The following PPP1R9A variants were observed in gnomAD, a reference collection of about 807,000 sequenced individuals.
PPP1R9A encodes the protein protein phosphatase 1 regulatory subunit 9A.
A neutral mutation model predicts 141.9 loss-of-function variants in PPP1R9A; 59 were observed. The observed-to-expected ratio is 0.42, with a 90% CI of 0.34 to 0.52. PPP1R9A has a LOEUF of 0.52. Among genes scored for constraint, PPP1R9A ranks in the 20% least tolerant of loss-of-function variants. The pLI, the probability that PPP1R9A is intolerant of heterozygous loss-of-function variation, is 0.10. For missense variants in PPP1R9A, 1,444 were observed against 1,611.9 expected (o/e 0.90, Z 1.78); for synonymous variants, 500 against 569.7 (o/e 0.88, Z 1.74).
chr7:94,985,990 A>T (rs1163769254), intron 2 of PPP1R9A, among the ~76,000 whole-genome samples: 1 of 152,214 alleles, frequency 6.6e-6, no homozygotes, highest in African/African-American at 2.4e-5. Flanking sequence ...TATTCAGTGT[A>T]AGTGAGTTTG....
At position 95,269,523 on chromosome 7, in the gene PPP1R9A, T is replaced by C. The variant is rs748810175; in HGVS notation, c.3124+16T>C. 8.5e-6 allele frequency: 13 copies of C among 1,534,480 alleles called. No homozygotes were observed. Among genetic ancestry groups the C allele is most frequent in the Non-Finnish European group, 1.2e-5 (13 of 1,125,604 alleles). Reference sequence around the variant, plus strand: ...CGAGAAAAAGGTATTGTTAATTTCTTTTTCTGACTTCATAACACCTCAGCT... The same window carrying C: ...CGAGAAAAAGGTATTGTTAATTTCTCTTTCTGACTTCATAACACCTCAGCT... On this transcript the variant is annotated intron_variant, in intron 14 of 19. Transcript: ENST00000433360.
intron 7 of PPP1R9A, among the ~76,000 whole-genome samples, chr7:95,210,315 A>G (rs542178360): frequency 4.7e-4 from 72 of 152,260 alleles, no homozygotes; most frequent in Non-Finnish European, 8.8e-4. Context: ...TCCAATAACG[A>G]TAGTGTAAAA....
chr7:95,212,078 C>T lies in PPP1R9A; in HGVS notation c.1956+8348C>T, dbSNP rs139236784. Among the ~76,000 whole-genome samples, 229 of 152,240 alleles carry T rather than the reference C, an allele frequency of 1.5e-3. 1 individual carries two copies. The highest frequency in any genetic ancestry group is 5.4e-3 in the African/African-American group (225 of 41,542). On this transcript the variant is annotated intron_variant, in intron 7 of 19. Transcript: ENST00000433360. Reference sequence around the variant, plus strand: ...CACATTCTTTGAACTGCTTATGTAGCTGCACCTTAGAGGAATTTTTATATA... The same window carrying T: ...CACATTCTTTGAACTGCTTATGTAGTTGCACCTTAGAGGAATTTTTATATA...
Position 94,908,018 on chromosome 7 carries a change from T to C in PPP1R9A, c.-217+316T>C, listed in dbSNP as rs1227699415. The stretch of plus-strand genomic sequence containing the variant: ...CTGCGCCGTGAGGAGCGGGTTGCGG[T>C]GTACCCAGCGGGCCGGCGCCGAGCC... On this transcript the variant is annotated intron_variant, in intron 1 of 19. Coordinates refer to ENST00000433360, the MANE Select transcript of PPP1R9A (RefSeq NM_001166160.2). The C allele has an allele frequency of 4.7e-5, 7 of 148,910 alleles. No homozygotes were observed. In the East Asian group the frequency reaches 1.4e-3, roughly 30 times the overall value. The allele number at this position is 148,910 out of a possible 1,614,324, so 9.2% of individuals were successfully genotyped here. A position where few individuals can be genotyped will look rare whatever the true frequency, so the allele number is the denominator to read the frequency against.
At chr7:95,149,795 A>G (rs1185293179) in intron 4 of PPP1R9A, among the ~76,000 whole-genome samples, 7 of 121,118 alleles carry the variant, frequency 5.8e-5, no homozygotes, top group Non-Finnish European at 1.2e-4. Flanking sequence ...TAATCTAAAG[A>G]TTCAATGAAA....
chr7:95,155,271 T>G (rs536593887), intron 4 of PPP1R9A: 1 of 150,866 alleles, frequency 6.6e-6, no homozygotes, highest in South Asian at 2.1e-4. Context: ...ACTTCAGTCT[T>G]GACCTCCCAG....
chr7:94,995,044 C>T (rs999210654), intron 2 of PPP1R9A, among the ~76,000 whole-genome samples: 5 of 152,162 alleles, frequency 3.3e-5, no homozygotes, highest in East Asian at 1.9e-4. Context: ...TGAATTCTTC[C>T]AGCTTTTATG....
chr7:94,979,617 C>A (rs537761745), intron 2 of PPP1R9A, among the ~76,000 whole-genome samples: 2 of 152,300 alleles, frequency 1.3e-5, no homozygotes, highest in African/African-American at 4.8e-5. Context: ...ATCAAGGTCA[C>A]CCCATGGAAG....
intron 4 of PPP1R9A, among the ~76,000 whole-genome samples, chr7:95,128,519 T>A (rs1046447476): frequency 1.3e-5 from 2 of 152,132 alleles, no homozygotes; most frequent in Non-Finnish European, 2.9e-5. Flanking sequence ...TTAGTTTAAT[T>A]AGGTCCCACT....
intron 10 of PPP1R9A, 47 bp downstream of exon 10, chr7:95,250,302 A>G: frequency 6.7e-7 from 1 of 1,489,782 alleles, no homozygotes; most frequent in Non-Finnish European, 9.1e-7. Flanking sequence ...TGTCTAAAGA[A>G]GGTTTATGTC....
At chr7:95,224,699 C>G (rs930708356) in intron 7 of PPP1R9A, among the ~76,000 whole-genome samples, 1 of 151,570 alleles carries the variant, frequency 6.6e-6, no homozygotes, top group African/African-American at 2.4e-5. Context: ...CCTTCACGTG[C>G]AAACATAGGT....
At chr7:95,127,519 T>A (rs1482435396) in intron 4 of PPP1R9A, among the ~76,000 whole-genome samples, 6 of 151,516 alleles carry the variant, frequency 4.0e-5, no homozygotes, top group Admixed American at 2.0e-4. Context: ...TTTTTTTTTT[T>A]AAACTTTTAT....
At position 95,160,788 on chromosome 7, in the gene PPP1R9A, G is replaced by C. The variant is rs1830365963; in HGVS notation, c.1650-1079G>C. Among the ~76,000 whole-genome samples the C allele has an allele frequency of 2.0e-5, 3 of 152,048 alleles. No homozygotes were observed. In the South Asian group the frequency reaches 6.2e-4, roughly 32 times the overall value. Reference sequence around the variant, plus strand: ...GAGAATGTGCGGTATTTGATTTTCTGTTCCTGTGTTAGTTTGCTTAGGATA... The same window carrying C: ...GAGAATGTGCGGTATTTGATTTTCTCTTCCTGTGTTAGTTTGCTTAGGATA... On this transcript the variant is annotated intron_variant, in intron 4 of 19. Coordinates refer to ENST00000433360, the MANE Select transcript of PPP1R9A (RefSeq NM_001166160.2).
intron 6 of PPP1R9A, among the ~76,000 whole-genome samples, chr7:95,200,115 A>G (rs887532268): frequency 6.6e-6 from 1 of 151,906 alleles, no homozygotes; most frequent in Non-Finnish European, 1.5e-5. Flanking sequence ...GAAATAAGAC[A>G]TCAAGTCTAA....
intron 8 of PPP1R9A, among the ~76,000 whole-genome samples, chr7:95,241,664 C>G (rs1170300025): frequency 1.3e-5 from 2 of 151,782 alleles, no homozygotes; most frequent in African/African-American, 4.8e-5. Context: ...ACAGCAATTG[C>G]AACAATTAAA....
intron 10 of PPP1R9A, 118 bp downstream of exon 10, chr7:95,250,373 C>A: frequency 1.1e-6 from 1 of 880,026 alleles, no homozygotes; most frequent in Admixed American, 3.2e-5. Context: ...CTTTCCTATC[C>A]AGGAGCATAG....
intron 2 of PPP1R9A, among the ~76,000 whole-genome samples, chr7:95,056,094 A>G (rs1231186786): frequency 6.6e-6 from 1 of 152,150 alleles, no homozygotes; most frequent in African/African-American, 2.4e-5. Flanking sequence ...ACTTGCATAT[A>G]CTATTAGCAA....
At position 95,204,694 on chromosome 7, in the gene PPP1R9A, CCACACACACCACA is replaced by C. The variant is rs1442073366; in HGVS notation, c.1956+979_1956+991del. On this transcript the variant is annotated intron_variant, in intron 7 of 19. Coordinates refer to ENST00000433360, the MANE Select transcript of PPP1R9A (RefSeq NM_001166160.2). The stretch of plus-strand genomic sequence containing the variant: ...CACACCACACACACACCACACATAC[CCACACACACCACA>C]CACACACACCACACTCACACCACAC... Among the ~76,000 whole-genome samples, 59 of 119,064 alleles carry C rather than the reference CCACACACACCACA, an allele frequency of 5.0e-4. No individual in the cohort carries two copies. In the South Asian group the frequency reaches 9.7e-3, roughly 20 times the overall value. 78.1% of individuals were successfully genotyped at this position (119,064 alleles called of 152,430 possible).
chr7:95,271,351 G>C (rs1303417151), intron 14 of PPP1R9A, among the ~76,000 whole-genome samples: 5 of 152,284 alleles, frequency 3.3e-5, no homozygotes, highest in African/African-American at 1.2e-4. Context: ...GCCCTCTAAA[G>C]AGGAGCAGTA....
Sources: allele counts gnomAD v4.1 joint callset (sites outside exome capture counted in the v4.1 genomes callset), GRCh38; gene constraint gnomAD v4.1.1; transcripts MANE v1.5; gene names NCBI Gene and HGNC (gene_info 2026-07-23, HGNC 2026-07-21).